The following NRP2 variants were observed in gnomAD, a reference collection of about 807,000 sequenced individuals.
NRP2 encodes the protein neuropilin-2.
NRP2 carries 52 observed loss-of-function variants against 110.4 expected under a neutral mutation model. That is an observed-to-expected ratio of 0.47 (90% CI 0.38 to 0.59). The LOEUF is 0.59. Among genes scored for constraint, NRP2 ranks in the 20% least tolerant of loss-of-function variants. NRP2 has a pLI of 0.00. For missense variants in NRP2, 1,049 were observed against 1,203.0 expected, an observed-to-expected ratio of 0.87 and a Z score of 1.89; for synonymous variants, 508 against 468.9, an observed-to-expected ratio of 1.08 and a Z score of -1.08.
rs773820457 is a variant in NRP2 at position 205,794,771 on chromosome 2, T to C, written c.2494T>C (p.Trp832Arg). 99 of 1,614,084 alleles carry C rather than the reference T, an allele frequency of 6.1e-5. 1 individual carries two copies. The highest frequency in any genetic ancestry group is 8.1e-5 in the Non-Finnish European group (96 of 1,180,046). ...DEIDDEYEVD[W>R]SNSSSATSGS... Reference sequence around the variant, plus strand: ...TATCGCAGATGAATACGAGGTGGACTGGAGCAATTCTTCTTCTGCAACCTC... The same window carrying C: ...TATCGCAGATGAATACGAGGTGGACCGGAGCAATTCTTCTTCTGCAACCTC... Residue 832 changes from tryptophan to arginine, a missense_variant, in exon 17 of 17, where the codon TGG becomes CGG. Transcript: ENST00000357785.
At position 205,794,625 on chromosome 2, in the gene NRP2, G is replaced by A. The variant is rs187672547; in HGVS notation, c.2477-129G>A. On this transcript the variant is annotated intron_variant, in intron 16 of 16. Transcript: ENST00000357785. ...GCGGCCAGGCTGGGCTTTGAACCCA[G>A]GCAGTCTAATTCCAGAGCTGCTGCT... 8.3e-6 allele frequency: 8 copies of A among 962,072 alleles called. No homozygotes were observed. In the African/African-American group the frequency reaches 9.6e-5, roughly 12 times the overall value. 59.6% of individuals were successfully genotyped at this position (962,072 alleles called of 1,614,324 possible).
chr2:205,766,376 C>G (rs2057917523), intron 14 of NRP2, among the ~76,000 whole-genome samples: 1 of 152,200 alleles, frequency 6.6e-6, no homozygotes. Context: ...TCTTGGCACA[C>G]GACCCCTGGT....
chr2:205,761,656 C>A (rs939101692), intron 12 of NRP2, among the ~76,000 whole-genome samples: 1 of 152,154 alleles, frequency 6.6e-6, no homozygotes, highest in Non-Finnish European at 1.5e-5. Flanking sequence ...AGTGGGGAAG[C>A]CAGTTTGCCT....
intron 15 of NRP2, chr2:205,776,410 A>G: frequency 5.0e-6 from 8 of 1,613,568 alleles, no homozygotes; most frequent in Non-Finnish European, 6.8e-6. Flanking sequence ...CTATGCGGCC[A>G]AGAAGACCGA....
intron 3 of NRP2, among the ~76,000 whole-genome samples, chr2:205,717,299 A>C (rs1476305625): frequency 1.3e-5 from 2 of 151,932 alleles, no homozygotes; most frequent in East Asian, 3.9e-4. Context: ...CCAGCAGCCC[A>C]AGTTTTACAA....
At position 205,725,158 on chromosome 2, in the gene NRP2, T is replaced by C. The variant is rs1359042446; in HGVS notation, c.821-755T>C. Reference sequence around the variant, plus strand: ...AAGATTGAGTGACAAAGAAACAGTATGGCAAATTGCACCAGGTCCCGTGAA... The same window carrying C: ...AAGATTGAGTGACAAAGAAACAGTACGGCAAATTGCACCAGGTCCCGTGAA... On this transcript the variant is annotated intron_variant, in intron 5 of 16. Transcript: ENST00000357785. This position sits in a 1 kb window ranked among gnomAD's most constrained non-coding sequence, Gnocchi z 4.1. 1.3e-5 allele frequency among the ~76,000 whole-genome samples: 2 copies of C among 152,212 alleles called. No homozygotes were observed. The highest frequency in any genetic ancestry group is 2.9e-5 in the Non-Finnish European group (2 of 68,038).
chr2:205,763,741 C>A lies in NRP2; in HGVS notation c.2112C>A (p.Ser704Arg). The A allele has an allele frequency of 6.2e-7, 1 of 1,614,158 alleles. No individual in the cohort carries two copies. Residue 704 changes from serine (S) to arginine (R), a missense_variant, in exon 13 of 17, where the codon AGC (serine) becomes AGA (arginine). Ser to Arg is a moderately radical substitution (Grantham distance 110). Coordinates refer to ENST00000357785, the MANE Select transcript of NRP2 (RefSeq NM_003872.3). The surrounding 1 kb of genome is among the most constrained non-coding windows in gnomAD (Gnocchi z 4.0). ...QREGQYARLI[S>R]PPVHLPRSPV... ...AGGGCCAGTATGCCCGGCTCATCAG[C>A]CCCCCTGTCCACCTGCCCCGAAGCC...
chr2:205,713,815 A>C (rs777367287), intron 2 of NRP2, among the ~76,000 whole-genome samples: 2 of 152,142 alleles, frequency 1.3e-5, no homozygotes, highest in Non-Finnish European at 2.9e-5. Context: ...ATTTTTTCAA[A>C]ATATATGCAC....
At chr2:205,685,488 A>G (rs2056127946) in intron 1 of NRP2, among the ~76,000 whole-genome samples, 1 of 152,148 alleles carries the variant, frequency 6.6e-6, no homozygotes, top group African/African-American at 2.4e-5. Flanking sequence ...GGCGACGAGA[A>G]CCAATTCTGG....
chr2:205,727,843 C>A (rs1454339465), intron 6 of NRP2, 48 bp from the exon 7 acceptor site: 1 of 1,573,160 alleles, frequency 6.4e-7, no homozygotes, highest in East Asian at 2.3e-5. Flanking sequence ...CAAGACACTG[C>A]CCTGTGTTGG....
At chr2:205,767,594 C>T (rs2057947924) in intron 15 of NRP2, 1 of 312,772 alleles carries the variant, frequency 3.2e-6, no homozygotes, top group South Asian at 2.5e-5. Flanking sequence ...AAAAAAAAGG[C>T]CTCCAGCCTT....
intron 2 of NRP2, among the ~76,000 whole-genome samples, chr2:205,712,787 G>C (rs898293035): frequency 6.6e-6 from 1 of 152,132 alleles, no homozygotes; most frequent in Non-Finnish European, 1.5e-5. Flanking sequence ...CTGGAAGTTG[G>C]GGGGATTTCA....
chr2:205,784,001 G>GACACACACACAC lies in NRP2; in HGVS notation c.2426-8224_2426-8213dup, dbSNP rs56303275. On this transcript the variant is annotated intron_variant, in intron 15 of 16. Coordinates refer to ENST00000357785, the MANE Select transcript of NRP2 (RefSeq NM_003872.3). Reference sequence around the variant, plus strand: ...GATGAACTAGAGTGCATCTCTCTCTGACACACACACACACACACACAGTGC... The same window carrying GACACACACACAC: ...GATGAACTAGAGTGCATCTCTCTCTGACACACACACACACACACACACACACACACACAGTGC... Among the ~76,000 whole-genome samples the GACACACACACAC allele has an allele frequency of 6.4e-3, 953 of 148,758 alleles. 8 individuals carry two copies. The highest frequency in any genetic ancestry group is 9.4e-3 in the Non-Finnish European group (631 of 67,044).
At chr2:205,691,072 G>C (rs1454658276) in intron 1 of NRP2, among the ~76,000 whole-genome samples, 1 of 152,068 alleles carries the variant, frequency 6.6e-6, no homozygotes, top group Non-Finnish European at 1.5e-5. Flanking sequence ...ATGTTCCTTT[G>C]GTCACTTCTT....
intron 11 of NRP2, among the ~76,000 whole-genome samples, chr2:205,751,320 G>T (rs1409146474): frequency 6.6e-6 from 1 of 152,062 alleles, no homozygotes; most frequent in Non-Finnish European, 1.5e-5. Context: ...TTCTTTGATG[G>T]TTCCTCCCTT....
intron 7 of NRP2, chr2:205,740,031 G>A (rs2057412424): frequency 7.7e-6 from 2 of 260,318 alleles, no homozygotes; most frequent in African/African-American, 2.3e-5. Flanking sequence ...TCATGGGTGG[G>A]ATGGCATCAA....
intron 1 of NRP2, among the ~76,000 whole-genome samples, chr2:205,684,220 T>A (rs995297787): frequency 1.3e-5 from 2 of 151,996 alleles, no homozygotes; most frequent in Admixed American, 1.3e-4. Flanking sequence ...GCAAGGGGTA[T>A]GCTCTGGAAA....
chr2:205,765,504 C>A lies in NRP2; in HGVS notation c.2338C>A (p.Arg780Ser). 6.2e-7 allele frequency: 1 copy of A among 1,614,094 alleles called. No homozygotes were observed. The highest frequency in any genetic ancestry group is 2.2e-5 in the East Asian group (1 of 44,884). ...IVFEGVIGKG[R>S]SGEIAIDDIR... is the part of the protein sequence containing the mutation. ...GTTCGAGGGAGTGATAGGGAAAGGA[C>A]GTTCCGGAGAGATTGCCATTGATGA... Residue 780 changes from arginine (R) to serine (S), a missense_variant, in exon 14 of 17, where the codon CGT becomes AGT. Arg to Ser is a moderately radical substitution (Grantham distance 110, BLOSUM62 -1). Transcript: ENST00000357785.
At chr2:205,704,411 C>T (rs1050106968) in intron 2 of NRP2, among the ~76,000 whole-genome samples, 2 of 152,164 alleles carry the variant, frequency 1.3e-5, no homozygotes, top group African/African-American at 4.8e-5. Flanking sequence ...TACTGCCTGC[C>T]CAACCACAGA....
Sources: gnomAD v4.1 joint callset for allele counts (sites outside exome capture counted in the v4.1 genomes callset) on GRCh38, gnomAD v4.1.1 for gene constraint, Gnocchi (gnomAD v3.1) non-coding constraint, MANE v1.5 for transcripts, NCBI Gene and HGNC (gene_info 2026-07-23, HGNC 2026-07-21) for gene names.